Variants in CLEC16A observed in about 807,000 individuals in gnomAD.
CLEC16A encodes C-type lectin domain containing 16A, also known as protein CLEC16A.
CLEC16A carries 51 observed loss-of-function variants against 109.5 expected under a neutral mutation model. The observed-to-expected ratio is 0.47, with a 90% confidence interval of 0.37 to 0.59. The LOEUF (loss-of-function observed/expected upper bound fraction) is 0.59, where lower values mean the gene tolerates loss of function less well. CLEC16A is among the 20% of genes least tolerant of loss of function. CLEC16A has a pLI of 0.00. For synonymous variants in CLEC16A, 673 were observed against 564.2 expected (o/e 1.19, Z -2.73); for missense variants, 1,339 against 1,394.0 (o/e 0.96, Z 0.63).
intron 22 of CLEC16A, among the ~76,000 whole-genome samples, chr16:11,134,679 G>A (rs77190260): frequency 0.04 from 6,162 of 152,244 alleles, 405 homozygotes; most frequent in African/African-American, 0.14. Flanking sequence ...GAAATGCTCC[G>A]ATGTGTGTTT....
intron 19 of CLEC16A, among the ~76,000 whole-genome samples, chr16:11,100,845 T>A (rs77584448): frequency 7.9e-5 from 12 of 152,242 alleles, no homozygotes; most frequent in Non-Finnish European, 1.3e-4. Flanking sequence ...GGTTTGCAGA[T>A]GAACTTTTAA....
chr16:10,972,555 G>A lies in CLEC16A; in HGVS notation c.600G>A (p.Val200=). 3.1e-6 allele frequency: 5 copies of A among 1,612,426 alleles called. No individual in the cohort carries two copies. The highest frequency in any genetic ancestry group is 4.2e-6 in the Non-Finnish European group (5 of 1,178,794). The change falls in exon 6 of 24, where the codon GTG becomes GTA. Residue 200 remains valine (V), a splice_region_variant and synonymous_variant. Coordinates refer to ENST00000409790, the MANE Select transcript of CLEC16A (RefSeq NM_015226.3). ...VRTITLNVYK[V]SLDNQAMLHY... ...CGATTCCTGTGTTCCTTATTCCAGT[G>A]TCATGTAAGTTATTAACCTCTGGTT...
At chr16:11,069,585 G>A (rs1349826871) in intron 19 of CLEC16A, among the ~76,000 whole-genome samples, 4 of 149,114 alleles carry the variant, frequency 2.7e-5, no homozygotes, top group Non-Finnish European at 5.9e-5. Flanking sequence ...TCACAGTTTC[G>A]TGCCACCATG....
chr16:11,042,444 T>TA lies in CLEC16A; in HGVS notation c.1770+82dup, dbSNP rs971135389. 60 of 1,137,854 alleles carry TA rather than the reference T, an allele frequency of 5.3e-5. No individual in the cohort carries two copies. The East Asian group carries it at 1.5e-3, about 28-fold the overall frequency. 70.5% of individuals were successfully genotyped at this position (1,137,854 alleles called of 1,614,324 possible). ...AGGAGGGAAGCTGCTGGCATCCAGA[T>TA]AGGAGCCCTGGCCCGTGGTGTCATC... is the stretch of plus-strand genomic sequence containing the variant. On this transcript the variant is annotated intron_variant, in intron 15 of 23. Coordinates refer to ENST00000409790, the MANE Select transcript of CLEC16A (RefSeq NM_015226.3).
intron 13 of CLEC16A, among the ~76,000 whole-genome samples, chr16:11,037,761 A>G (rs1157575069): frequency 6.6e-6 from 1 of 152,036 alleles, no homozygotes; most frequent in East Asian, 1.9e-4. Context: ...TGGGACACAG[A>G]GGAGCTTTTA....
chr16:10,998,748 A>G (rs2044480732), intron 10 of CLEC16A, among the ~76,000 whole-genome samples: 1 of 152,058 alleles, frequency 6.6e-6, no homozygotes, highest in Admixed American at 6.6e-5. Flanking sequence ...GAGCTCACTC[A>G]GCAGCAGCCT....
rs116329323 is a variant in CLEC16A at position 11,166,174 on chromosome 16, C to G, written c.2642-214C>G. Among the ~76,000 whole-genome samples, 1,312 of 152,360 alleles carry G rather than the reference C, an allele frequency of 8.6e-3. 18 individuals are homozygous for G. The highest frequency in any genetic ancestry group is 0.03 in the African/African-American group (1,262 of 41,572). The stretch of plus-strand genomic sequence containing the variant: ...ACTCAGCTCTGTGGCTGGTTGTACT[C>G]TGTTCCTTGAAATAAACCTGTAATA... On this transcript the variant is annotated intron_variant, in intron 22 of 23. Transcript: ENST00000409790.
chr16:11,024,943 G>C, intron 13 of CLEC16A, 22 bp downstream of exon 13: 1 of 1,549,934 alleles, frequency 6.5e-7, no homozygotes, highest in Non-Finnish European at 8.8e-7. Context: ...TGCCTTGCCT[G>C]ACTTCCTTGC....
At chr16:11,028,593 A>T (rs1194041322) in intron 13 of CLEC16A, among the ~76,000 whole-genome samples, 2 of 150,236 alleles carry the variant, frequency 1.3e-5, no homozygotes, top group African/African-American at 4.9e-5. Context: ...CATCGTAGGA[A>T]GCTTTGATCA....
intron 15 of CLEC16A, among the ~76,000 whole-genome samples, chr16:11,043,038 A>C (rs1220998388): frequency 1.3e-5 from 2 of 151,410 alleles, no homozygotes; most frequent in Non-Finnish European, 2.9e-5. Context: ...ATGTAAATGA[A>C]AATTCATTTA....
chr16:11,125,105 G>A (rs1390637847), intron 21 of CLEC16A, among the ~76,000 whole-genome samples: 2 of 152,062 alleles, frequency 1.3e-5, no homozygotes, highest in Non-Finnish European at 2.9e-5. Context: ...AACCCTCAGA[G>A]GGCCAGTTTC....
intron 18 of CLEC16A, among the ~76,000 whole-genome samples, chr16:11,060,395 C>T (rs2048416601): frequency 6.6e-6 from 1 of 152,262 alleles, no homozygotes; most frequent in South Asian, 2.1e-4. Flanking sequence ...TCACCCTCTT[C>T]TGTCTGCCCC....
intron 19 of CLEC16A, among the ~76,000 whole-genome samples, chr16:11,097,268 G>C (rs1490863118): frequency 4.6e-5 from 7 of 152,176 alleles, no homozygotes. Context: ...ACCAGGGGCT[G>C]TTTTCCTGAT....
chr16:11,054,786 A>G (rs1207268169), intron 18 of CLEC16A, among the ~76,000 whole-genome samples: 1 of 152,254 alleles, frequency 6.6e-6, no homozygotes, highest in Non-Finnish European at 1.5e-5. Flanking sequence ...TTCAGAAATC[A>G]GAACACACCA....
At chr16:11,089,095 A>C (rs543472354) in intron 19 of CLEC16A, among the ~76,000 whole-genome samples, 2 of 151,944 alleles carry the variant, frequency 1.3e-5, no homozygotes, top group African/African-American at 4.8e-5. Flanking sequence ...CTGCACACAT[A>C]CGTATTCCTC....
rs377718881 is a variant in CLEC16A at position 11,121,787 on chromosome 16, C to T, written c.2268+1021C>T. On this transcript the variant is annotated intron_variant, in intron 20 of 23. Coordinates refer to ENST00000409790, the MANE Select transcript of CLEC16A (RefSeq NM_015226.3). ...CCCAGCTACCCAGGAGGCTGAGGCA[C>T]GAGAATCGCTTGAACCCAGGAGGCA... Among the ~76,000 whole-genome samples the T allele has an allele frequency of 3.2e-3, 458 of 143,176 alleles. 3 individuals are homozygous for T. The highest frequency in any genetic ancestry group is 5.9e-3 in the East Asian group (29 of 4,926). 93.9% of individuals were successfully genotyped at this position (143,176 alleles called of 152,430 possible). A position where few individuals can be genotyped will look rare whatever the true frequency, so the allele number is the denominator to read the frequency against.
intron 22 of CLEC16A, among the ~76,000 whole-genome samples, chr16:11,138,043 G>C (rs938197532): frequency 6.6e-6 from 1 of 152,204 alleles, no homozygotes; most frequent in Non-Finnish European, 1.5e-5. Flanking sequence ...GCCAGGGTAC[G>C]GGACCGCCTG....
chr16:10,999,858 G>A (rs1329494691), intron 10 of CLEC16A, among the ~76,000 whole-genome samples: 4 of 151,960 alleles, frequency 2.6e-5, no homozygotes, highest in African/African-American at 4.8e-5. Flanking sequence ...ATTTTGAGAC[G>A]GAGTCTCACT....
intron 3 of CLEC16A, among the ~76,000 whole-genome samples, chr16:10,964,895 C>T (rs1423665547): frequency 2.0e-5 from 3 of 152,060 alleles, no homozygotes; most frequent in Non-Finnish European, 4.4e-5. Context: ...TGTGTGTGCA[C>T]CTTGGGTGAT....
Sources: gnomAD v4.1 joint callset for allele counts (sites outside exome capture counted in the v4.1 genomes callset) on GRCh38, gnomAD v4.1.1 for gene constraint, MANE v1.5 for transcripts, NCBI Gene and HGNC (gene_info 2026-07-23, HGNC 2026-07-21) for gene names.